The following RBFOX1 variants were observed in gnomAD, a reference collection of about 807,000 sequenced individuals.
The protein encoded by RBFOX1 is RNA binding fox-1 homolog 1, also known as RNA binding protein fox-1 homolog 1.
RBFOX1 carries 8 observed loss-of-function variants against 57.7 expected under a neutral mutation model. The ratio of observed to expected loss-of-function variants is 0.14; its 90% CI spans 0.08 to 0.25. The LOEUF (loss-of-function observed/expected upper bound fraction) is 0.25. RBFOX1 is among the 10% of genes least tolerant of loss of function. The pLI, the probability that RBFOX1 is intolerant of heterozygous loss-of-function variation, is 1.00. For synonymous variants in RBFOX1, 326 were observed against 222.4 expected, an observed-to-expected ratio of 1.47 and a Z score of -4.15; for missense variants, 611 against 548.5, an observed-to-expected ratio of 1.11 and a Z score of -1.14.
At chr16:5,244,788 C>T (rs1749976592) in intron 1 of RBFOX1, among the ~76,000 whole-genome samples, 1 of 152,202 alleles carries the variant, frequency 6.6e-6, no homozygotes, top group African/African-American at 2.4e-5. Flanking sequence ...GGTGGACGGT[C>T]CTTTGAGAAG....
chr16:6,807,819 A>T (rs886807817), intron 3 of RBFOX1, among the ~76,000 whole-genome samples: 5 of 152,016 alleles, frequency 3.3e-5, no homozygotes, highest in African/African-American at 1.2e-4. Context: ...CATCTCAAAA[A>T]AAGATGCTTA....
At chr16:7,604,950 G>T (rs1385420970) in intron 9 of RBFOX1, among the ~76,000 whole-genome samples, 1 of 152,202 alleles carries the variant, frequency 6.6e-6, no homozygotes, top group East Asian at 1.9e-4. Flanking sequence ...TATGAGATGG[G>T]TAACAGTGGA....
chr16:6,889,971 A>G (rs2065031202), intron 3 of RBFOX1, among the ~76,000 whole-genome samples: 1 of 152,234 alleles, frequency 6.6e-6, no homozygotes, highest in Non-Finnish European at 1.5e-5. Context: ...CTAGAATTCC[A>G]GGAGACCAAT....
intron 4 of RBFOX1, among the ~76,000 whole-genome samples, chr16:7,243,130 T>C (rs957982265): frequency 1.2e-4 from 18 of 152,192 alleles, no homozygotes; most frequent in Non-Finnish European, 4.4e-5. Flanking sequence ...CATTTGAATG[T>C]TTTCATTAAA....
intron 4 of RBFOX1, among the ~76,000 whole-genome samples, chr16:5,938,195 C>A (rs2152260654): frequency 6.6e-6 from 1 of 152,258 alleles, no homozygotes; most frequent in South Asian, 2.1e-4. Context: ...AATATTCTAC[C>A]TATCTTGGTG....
chr16:7,607,985 G>A (rs974873938), intron 10 of RBFOX1, among the ~76,000 whole-genome samples: 1 of 152,152 alleles, frequency 6.6e-6, no homozygotes, highest in Non-Finnish European at 1.5e-5. Context: ...TAACCCAGAA[G>A]CAGTAGTGGC....
intron 4 of RBFOX1, among the ~76,000 whole-genome samples, chr16:5,990,370 T>A (rs1207714016): frequency 6.6e-6 from 1 of 152,316 alleles, no homozygotes; most frequent in Admixed American, 6.5e-5. Flanking sequence ...TATAACAACA[T>A]TATATACCAT....
intron 2 of RBFOX1, among the ~76,000 whole-genome samples, chr16:5,512,187 A>G (rs2043618283): frequency 6.6e-6 from 1 of 152,186 alleles, no homozygotes; most frequent in African/African-American, 2.4e-5. Flanking sequence ...GGGAGTTTGC[A>G]CGAGGGTGAG....
intron 3 of RBFOX1, among the ~76,000 whole-genome samples, chr16:6,670,476 T>C (rs747281454): frequency 5.3e-5 from 8 of 152,170 alleles, no homozygotes; most frequent in Non-Finnish European, 8.8e-5. Context: ...GACTGGAATG[T>C]TTTCATAAAG....
intron 4 of RBFOX1, among the ~76,000 whole-genome samples, chr16:7,475,394 A>G (rs2151046608): frequency 6.7e-6 from 1 of 149,478 alleles, no homozygotes; most frequent in East Asian, 2.0e-4. Context: ...GGCTCACTGC[A>G]ACTTCTGCCT....
Position 6,591,419 on chromosome 16 carries a change from A to G in RBFOX1, c.-63-63184A>G, listed in dbSNP as rs150080334. 5.3e-5 allele frequency among the ~76,000 whole-genome samples: 8 copies of G among 152,186 alleles called. No individual in the cohort carries two copies. In the East Asian group the frequency reaches 1.4e-3, roughly 26 times the overall value. ...CAGTGAGCTGAGATTGTACTACTGC[A>G]CTCCAGTCTGGGTGTCGTAGTGAGA... On this transcript the variant is annotated intron_variant, in intron 2 of 15. Transcript: ENST00000550418.
At chr16:5,285,393 C>T (rs1281455767) in intron 1 of RBFOX1, among the ~76,000 whole-genome samples, 1 of 152,062 alleles carries the variant, frequency 6.6e-6, no homozygotes, top group Non-Finnish European at 1.5e-5. Flanking sequence ...TCTGTGTTCT[C>T]TTATATCTCC....
chr16:5,725,473 G>T (rs375914148), intron 3 of RBFOX1, among the ~76,000 whole-genome samples: 12 of 151,652 alleles, frequency 7.9e-5, no homozygotes, highest in African/African-American at 7.3e-5. Context: ...TTGTTTTCCA[G>T]TCTTGTCTCA....
chr16:7,085,221 A>T (rs1404666112), intron 4 of RBFOX1, among the ~76,000 whole-genome samples: 2 of 152,160 alleles, frequency 1.3e-5, no homozygotes, highest in Non-Finnish European at 2.9e-5. Flanking sequence ...GCCAAATAAC[A>T]TCTGATTCCA....
chr16:6,384,892 C>T (rs1164736795), intron 2 of RBFOX1, among the ~76,000 whole-genome samples: 1 of 152,178 alleles, frequency 6.6e-6, no homozygotes, highest in African/African-American at 2.4e-5. Flanking sequence ...TAGAACTAGT[C>T]TGCAGGGGCT....
chr16:5,836,857 C>T (rs2056474703), intron 3 of RBFOX1, among the ~76,000 whole-genome samples: 1 of 152,180 alleles, frequency 6.6e-6, no homozygotes, highest in Non-Finnish European at 1.5e-5. Context: ...TCAGCCCAGG[C>T]CACCTCTTTC....
chr16:5,925,015 C>G (rs551362069), intron 4 of RBFOX1, among the ~76,000 whole-genome samples: 1 of 152,160 alleles, frequency 6.6e-6, no homozygotes, highest in African/African-American at 2.4e-5. Context: ...TGAGGGTCAT[C>G]CTGTTATCTG....
intron 3 of RBFOX1, among the ~76,000 whole-genome samples, chr16:6,791,682 C>T (rs1056849727): frequency 6.6e-6 from 1 of 152,126 alleles, no homozygotes; most frequent in African/African-American, 2.4e-5. Context: ...TTGCTTGAAC[C>T]TGGGAGGCAG....
chr16:7,400,821 A>G (rs1480960100), intron 4 of RBFOX1, among the ~76,000 whole-genome samples: 1 of 152,208 alleles, frequency 6.6e-6, no homozygotes, highest in African/African-American at 2.4e-5. Context: ...CAGTGTCCAC[A>G]ATGCTGTTGG....
Sources: gnomAD v4.1 joint callset for allele counts (sites outside exome capture counted in the v4.1 genomes callset) on GRCh38, gnomAD v4.1.1 for gene constraint, MANE v1.5 for transcripts, NCBI Gene and HGNC (gene_info 2026-07-23, HGNC 2026-07-21) for gene names.